Variants in PTPRM observed in about 807,000 individuals in gnomAD.
The protein encoded by PTPRM is protein tyrosine phosphatase receptor type M, also known as receptor-type tyrosine-protein phosphatase mu.
In PTPRM, 47 loss-of-function variants were observed where a neutral mutation model predicts 186.7. That is an observed-to-expected ratio of 0.25 (90% CI 0.20 to 0.32). The LOEUF (loss-of-function observed/expected upper bound fraction) is 0.32. Among genes scored for constraint, PTPRM ranks in the 10% least tolerant of loss-of-function variants. The pLI is 1.00. For synonymous variants in PTPRM, 668 were observed against 674.9 expected (o/e 0.99, Z 0.16); for missense variants, 1,494 against 1,865.0 (o/e 0.80, Z 3.66).
intron 14 of PTPRM, among the ~76,000 whole-genome samples, chr18:8,224,852 C>T (rs1157129520): frequency 1.3e-5 from 2 of 152,172 alleles, no homozygotes; most frequent in Non-Finnish European, 2.9e-5. Context: ...CTGGGGCTAG[C>T]ACTAGAGGAT....
At chr18:7,824,165 C>G (rs539823878) in intron 2 of PTPRM, among the ~76,000 whole-genome samples, 2 of 152,178 alleles carry the variant, frequency 1.3e-5, no homozygotes, top group Non-Finnish European at 2.9e-5. Context: ...TCTAGTACCC[C>G]GAAGGTCAGA....
rs546578311 is a variant in PTPRM at position 7,856,484 on chromosome 18, A to G, written c.197-31622A>G. Among the ~76,000 whole-genome samples, 23 of 152,288 alleles carry G rather than the reference A, an allele frequency of 1.5e-4. No individual in the cohort carries two copies. The East Asian group carries it at 3.5e-3, about 23-fold the overall frequency. On this transcript the variant is annotated intron_variant, in intron 2 of 32. Transcript: ENST00000580170. Reference sequence around the variant, plus strand: ...AGGCCGGGTGCCATGGCTCATGCCTATAATCCCAGCACGGAGGGCTGAGAC... The same window carrying G: ...AGGCCGGGTGCCATGGCTCATGCCTGTAATCCCAGCACGGAGGGCTGAGAC...
At chr18:8,339,993 C>A (rs1007593413) in intron 22 of PTPRM, among the ~76,000 whole-genome samples, 4 of 151,544 alleles carry the variant, frequency 2.6e-5, no homozygotes, top group South Asian at 2.1e-4. Flanking sequence ...AAAAAAAAAA[C>A]CCCACAAAAA....
chr18:8,008,512 C>T (rs1052489465), intron 7 of PTPRM, among the ~76,000 whole-genome samples: 4 of 152,106 alleles, frequency 2.6e-5, no homozygotes, highest in African/African-American at 9.7e-5. Context: ...CCCATCCTAG[C>T]TCTTGAATGC....
chr18:7,646,251 A>G (rs2038559209), intron 1 of PTPRM, among the ~76,000 whole-genome samples: 1 of 152,126 alleles, frequency 6.6e-6, no homozygotes, highest in African/African-American at 2.4e-5. Context: ...CAGAGTTTGC[A>G]CCTGGGATCT....
chr18:7,656,431 G>C (rs562278679), intron 1 of PTPRM, among the ~76,000 whole-genome samples: 2 of 152,286 alleles, frequency 1.3e-5, no homozygotes, highest in African/African-American at 4.8e-5. Context: ...GTTGAGATAG[G>C]AGAGAAGGGA....
chr18:8,320,244 A>G (rs1488837526), intron 22 of PTPRM, among the ~76,000 whole-genome samples: 1 of 152,218 alleles, frequency 6.6e-6, no homozygotes, highest in East Asian at 1.9e-4. Context: ...CAAGGGAATC[A>G]ACGATGCCAA....
At chr18:7,732,713 C>T (rs1252532427) in intron 1 of PTPRM, among the ~76,000 whole-genome samples, 2 of 152,018 alleles carry the variant, frequency 1.3e-5, no homozygotes, top group Non-Finnish European at 2.9e-5. Flanking sequence ...CACTATTGCC[C>T]AGGCTGGTCT....
intron 1 of PTPRM, among the ~76,000 whole-genome samples, chr18:7,699,289 A>C (rs1351658066): frequency 6.6e-6 from 1 of 152,156 alleles, no homozygotes; most frequent in Non-Finnish European, 1.5e-5. Context: ...TAGTTTCTTT[A>C]TGTTCTGGAA....
At chr18:8,264,737 C>T (rs914651671) in intron 19 of PTPRM, among the ~76,000 whole-genome samples, 4 of 148,426 alleles carry the variant, frequency 2.7e-5, no homozygotes, top group Non-Finnish European at 5.9e-5. Context: ...GATTGCACCA[C>T]TGCACTCCTG....
At chr18:7,685,544 C>A (rs551465215) in intron 1 of PTPRM, among the ~76,000 whole-genome samples, 1 of 152,200 alleles carries the variant, frequency 6.6e-6, no homozygotes. Context: ...GAGAAGGAGT[C>A]TATGGAACTG....
At chr18:8,066,869 T>C (rs1441083814) in intron 7 of PTPRM, among the ~76,000 whole-genome samples, 4 of 152,150 alleles carry the variant, frequency 2.6e-5, no homozygotes, top group African/African-American at 9.7e-5. Context: ...GGCAAATGTA[T>C]GGGAAATGTG....
chr18:7,693,379 T>C (rs1012793172), intron 1 of PTPRM, among the ~76,000 whole-genome samples: 1 of 152,140 alleles, frequency 6.6e-6, no homozygotes, highest in Non-Finnish European at 1.5e-5. Context: ...TGTGGCAGAA[T>C]AGGATTGGAA....
chr18:8,341,573 C>T (rs2095474986), intron 22 of PTPRM, among the ~76,000 whole-genome samples: 1 of 152,112 alleles, frequency 6.6e-6, no homozygotes, highest in South Asian at 2.1e-4. Context: ...CCTGCAGGCA[C>T]AAGCTGTCCA....
chr18:8,193,212 A>C (rs1459714251), intron 14 of PTPRM, among the ~76,000 whole-genome samples: 1 of 152,222 alleles, frequency 6.6e-6, no homozygotes, highest in Non-Finnish European at 1.5e-5. Context: ...AGCAAGAGAA[A>C]GCCAATGTTA....
chr18:8,105,605 A>G (rs554123746), intron 11 of PTPRM, among the ~76,000 whole-genome samples: 2 of 152,214 alleles, frequency 1.3e-5, no homozygotes, highest in African/African-American at 4.8e-5. Flanking sequence ...CCTACTTTTC[A>G]CATTTTCTTT....
intron 29 of PTPRM, among the ~76,000 whole-genome samples, chr18:8,380,996 C>T (rs2095731296): frequency 6.6e-6 from 1 of 152,118 alleles, no homozygotes; most frequent in Non-Finnish European, 1.5e-5. Flanking sequence ...AATTAGTTTT[C>T]TCAATGCTTT....
chr18:8,299,972 C>A (rs1444915747), intron 20 of PTPRM, among the ~76,000 whole-genome samples: 1 of 152,106 alleles, frequency 6.6e-6, no homozygotes, highest in Non-Finnish European at 1.5e-5. Context: ...ACTCTCAGGA[C>A]CCTGAACTTG....
At chr18:8,310,767 A>G (rs1430286975) in intron 20 of PTPRM, among the ~76,000 whole-genome samples, 1 of 152,176 alleles carries the variant, frequency 6.6e-6, no homozygotes, top group African/African-American at 2.4e-5. Flanking sequence ...CATGAACTCA[A>G]GCACCGTAAA....
Sources: allele counts gnomAD v4.1 joint callset (sites outside exome capture counted in the v4.1 genomes callset), GRCh38; gene constraint gnomAD v4.1.1; transcripts MANE v1.5; gene names NCBI Gene and HGNC (gene_info 2026-07-23, HGNC 2026-07-21).